Variants in ARB2A observed in about 807,000 individuals in gnomAD.
ARB2A encodes the protein cotranscriptional regulator ARB2A.
chr5:93,911,166 T>C, the ARB2A span, among the ~76,000 whole-genome samples: 3 of 151,608 alleles, frequency 2.0e-5, no homozygotes, highest in African/African-American at 7.3e-5. Context: ...AACTTTCTAA[T>C]ACAGTCTGAA....
At chr5:93,703,198 T>C in the ARB2A span, among the ~76,000 whole-genome samples, 1 of 152,286 alleles carries the variant, frequency 6.6e-6, no homozygotes, top group Admixed American at 6.5e-5. Context: ...TGAAGACAAA[T>C]TCCCTGTTCC....
chr5:93,830,578 T>G, the ARB2A span, among the ~76,000 whole-genome samples: 3 of 151,746 alleles, frequency 2.0e-5, no homozygotes, highest in Non-Finnish European at 2.9e-5. Flanking sequence ...CTGACCTCAG[T>G]GAGGTTCTCC....
chr5:94,086,326 T>C, the ARB2A span, among the ~76,000 whole-genome samples: 1 of 152,138 alleles, frequency 6.6e-6, no homozygotes, highest in Non-Finnish European at 1.5e-5. Context: ...AGAATGCATA[T>C]TAAGACAGTG....
At chr5:93,641,839 G>A in the ARB2A span, among the ~76,000 whole-genome samples, 8 of 152,128 alleles carry the variant, frequency 5.3e-5, no homozygotes, top group African/African-American at 1.9e-4. Context: ...AAAAAAGCAT[G>A]TGGGATCACA....
the ARB2A span, among the ~76,000 whole-genome samples, chr5:94,018,845 T>C: frequency 6.6e-6 from 1 of 151,946 alleles, no homozygotes. Flanking sequence ...AAACAACCCA[T>C]ATAGCCAAGA....
At chr5:93,960,093 C>CG in the ARB2A span, among the ~76,000 whole-genome samples, 423 of 143,374 alleles carry the variant, frequency 3.0e-3, 7 homozygotes, top group Non-Finnish European at 4.3e-3. Flanking sequence ...CCCCCCCCCC[C>CG]CCAAAAAAAG....
chr5:93,853,402 A>C, the ARB2A span, among the ~76,000 whole-genome samples: 1 of 152,190 alleles, frequency 6.6e-6, no homozygotes, highest in Non-Finnish European at 1.5e-5. Flanking sequence ...GTCATCTGCA[A>C]ACACGGACAA....
chr5:93,872,561 T>C, the ARB2A span, among the ~76,000 whole-genome samples: 1 of 152,324 alleles, frequency 6.6e-6, no homozygotes, highest in South Asian at 2.1e-4. Flanking sequence ...CTTGAACTGA[T>C]TTCTATTTCT....
At chr5:93,879,460 G>A in the ARB2A span, among the ~76,000 whole-genome samples, 24 of 151,610 alleles carry the variant, frequency 1.6e-4, no homozygotes, top group Admixed American at 6.6e-4. Context: ...ATGGGACAAA[G>A]AGGCAAAAAG....
the ARB2A span, among the ~76,000 whole-genome samples, chr5:93,986,203 A>T: frequency 6.6e-6 from 1 of 150,530 alleles, no homozygotes; most frequent in South Asian, 2.1e-4. Context: ...CCCGTCTGGG[A>T]ACTGAGGAGC....
chr5:93,736,220 A>G, the ARB2A span: 1 of 152,176 alleles, frequency 6.6e-6, no homozygotes, highest in Middle Eastern at 3.2e-3. Context: ...CTGGGAACTC[A>G]AGCTAATCTT....
At chr5:93,731,804 AT>A in the ARB2A span, among the ~76,000 whole-genome samples, 1 of 152,234 alleles carries the variant, frequency 6.6e-6, no homozygotes, top group Non-Finnish European at 1.5e-5. Flanking sequence ...TGAAGAAGAA[AT>A]GACATTCAGG....
chr5:93,801,588 G>T, the ARB2A span, among the ~76,000 whole-genome samples: 7 of 152,164 alleles, frequency 4.6e-5, no homozygotes, highest in Admixed American at 2.0e-4. Context: ...TCAAATTTTA[G>T]ACTTTACATG....
the ARB2A span, among the ~76,000 whole-genome samples, chr5:93,680,929 TA>T: frequency 6.6e-6 from 1 of 152,178 alleles, no homozygotes; most frequent in Non-Finnish European, 1.5e-5. Context: ...AGGTAATTGA[TA>T]AGACCAAAAT....
At chr5:94,010,011 T>C in the ARB2A span, among the ~76,000 whole-genome samples, 4 of 152,030 alleles carry the variant, frequency 2.6e-5, no homozygotes, top group South Asian at 8.3e-4. Context: ...ATTTTATTAA[T>C]ATTTCTTTAT....
At chr5:94,072,663 G>C in the ARB2A span, among the ~76,000 whole-genome samples, 2 of 151,964 alleles carry the variant, frequency 1.3e-5, no homozygotes, top group African/African-American at 4.8e-5. Flanking sequence ...CATATTTTCA[G>C]AAATCCAGGT....
the ARB2A span, among the ~76,000 whole-genome samples, chr5:93,726,728 C>CTAGA: frequency 6.6e-6 from 1 of 151,978 alleles, no homozygotes; most frequent in Non-Finnish European, 1.5e-5. Context: ...AGAGTCTGTA[C>CTAGA]TAGAGTACAG....
At chr5:93,746,159 G>A in the ARB2A span, among the ~76,000 whole-genome samples, 2 of 151,634 alleles carry the variant, frequency 1.3e-5, no homozygotes, top group Non-Finnish European at 2.9e-5. Flanking sequence ...ACTGTATAAA[G>A]CAAAGTGAGG....
the ARB2A span, among the ~76,000 whole-genome samples, chr5:93,925,181 AATG>A: frequency 6.6e-6 from 1 of 152,192 alleles, no homozygotes; most frequent in African/African-American, 2.4e-5. Context: ...TGGTTATAAG[AATG>A]ATGACGAACA....
Sources: allele counts gnomAD v4.1 joint callset (sites outside exome capture counted in the v4.1 genomes callset), GRCh38; gene constraint gnomAD v4.1.1; transcripts MANE v1.5; gene names NCBI Gene and HGNC (gene_info 2026-07-23, HGNC 2026-07-21).